The following ABCA5 variants were observed in gnomAD, a reference collection of about 807,000 sequenced individuals.
ABCA5 encodes ATP binding cassette subfamily A member 5, also known as cholesterol transporter ABCA5.
ABCA5 carries 163 observed loss-of-function variants against 206.0 expected under a neutral mutation model. The observed-to-expected ratio is 0.79, with a 90% CI of 0.70 to 0.90. The LOEUF (loss-of-function observed/expected upper bound fraction) is 0.90, where lower values mean the gene tolerates loss of function less well. Among genes scored for constraint, ABCA5 ranks in the 40% least tolerant of loss-of-function variants. The pLI, the probability that ABCA5 is intolerant of heterozygous loss-of-function variation, is 0.00. For synonymous variants in ABCA5, 609 were observed against 613.8 expected, an observed-to-expected ratio of 0.99 and a Z score of 0.11; for missense variants, 1,859 against 1,912.9, an observed-to-expected ratio of 0.97 and a Z score of 0.53.
intron 11 of ABCA5, among the ~76,000 whole-genome samples, chr17:69,293,874 G>GTGTGTGTGTGTT (rs2075556598): frequency 2.8e-5 from 1 of 35,670 alleles, no homozygotes; most frequent in African/African-American, 7.2e-5. Context: ...GTGTGTGTGC[G>GTGTGTGTGTGTT]TGTGTGTGTG....
At position 69,298,316 on chromosome 17, in the gene ABCA5, G is replaced by GAGGAAGGAAGGAAGGA. The variant is rs71144670; in HGVS notation, c.1268-973_1268-958dup. On this transcript the variant is annotated intron_variant, in intron 9 of 38. Transcript: ENST00000392676. ...GGGGAAAGAGAAAGAAAGAGAGAGA[G>GAGGAAGGAAGGAAGGA]AGGAAGGAAGGAAGGAAGGAAGGAA... Among the ~76,000 whole-genome samples the GAGGAAGGAAGGAAGGA allele has an allele frequency of 2.4e-3, 100 of 42,098 alleles. 1 individual carries two copies. The highest frequency in any genetic ancestry group is 6.0e-3 in the African/African-American group (95 of 15,912). The allele number at this position is 42,098 out of a possible 152,430, so 27.6% of individuals were successfully genotyped here.
chr17:69,274,010 C>T lies in ABCA5; in HGVS notation c.2713G>A (p.Gly905Arg), dbSNP rs1249912899. 1 of 1,609,884 alleles carries T rather than the reference C, an allele frequency of 6.2e-7. No individual in the cohort carries two copies. ...LVPDLYFLKP[G>R]DKPHKYKTSL... The stretch of plus-strand genomic sequence containing the variant: ...GTTTTGTATTTATGTGGTTTGTCTC[C>T]AGGTTTTAGAAAATATAAGTCTGGA... The change falls in exon 20 of 39, where the codon GGA becomes AGA. Residue 905 changes from glycine to arginine, a missense_variant. Transcript: ENST00000392676.
chr17:69,326,857 G>T lies in ABCA5; in HGVS notation c.-16+195C>A, dbSNP rs1399512246. Among the ~76,000 whole-genome samples the T allele has an allele frequency of 6.6e-6, 1 of 151,966 alleles. No homozygotes were observed. Among genetic ancestry groups the T allele is most frequent in the Non-Finnish European group, 1.5e-5 (1 of 67,958 alleles). On this transcript the variant is annotated intron_variant, in intron 1 of 38. Coordinates refer to ENST00000392676, the MANE Select transcript of ABCA5 (RefSeq NM_172232.4). This position sits in a 1 kb window ranked among gnomAD's most constrained non-coding sequence, Gnocchi z 4.8. ...GCAACCCGCGCTTCCCGGGAGCTGA[G>T]GGAGGTCTGTTTCCCTCAGCTCGCC...
chr17:69,295,250 C>A (rs569674417), intron 10 of ABCA5, among the ~76,000 whole-genome samples: 237 of 152,274 alleles, frequency 1.6e-3, no homozygotes, highest in African/African-American at 5.5e-3. Flanking sequence ...ATGGTACATA[C>A]AAGCAATTCA....
chr17:69,305,578 C>T (rs978739709), intron 6 of ABCA5, among the ~76,000 whole-genome samples: 1 of 152,158 alleles, frequency 6.6e-6, no homozygotes, highest in Non-Finnish European at 1.5e-5. Flanking sequence ...ATTTTAAAAA[C>T]CAATCCTTTG....
chr17:69,308,336 A>G lies in ABCA5; in HGVS notation c.502T>C (p.Tyr168His). Residue 168 changes from tyrosine (Y) to histidine (H), a missense_variant, in exon 5 of 39, where the codon TAC (tyrosine) becomes CAC (histidine). Physicochemically the swap from Tyr to His is moderately conservative, Grantham distance 83. Transcript: ENST00000392676. ...AAAACTGTGAAACCTGAGGACCAGT[A>G]CTGAGCAGCCTCACATGATTTTGAA... ...GCSKSCEAAQ[Y>H]WSSGFTVLQA... 1 of 1,612,398 alleles carries G rather than the reference A, an allele frequency of 6.2e-7. No homozygotes were observed. The highest frequency in any genetic ancestry group is 1.1e-5 in the South Asian group (1 of 90,960).
chr17:69,263,845 T>A (rs1160069311), intron 24 of ABCA5, among the ~76,000 whole-genome samples: 1 of 151,924 alleles, frequency 6.6e-6, no homozygotes, highest in Non-Finnish European at 1.5e-5. Context: ...TACAGGCGCA[T>A]GCCACCACGT....
intron 36 of ABCA5, 137 bp from the exon 37 acceptor site, chr17:69,250,121 AAAT>A (rs2074995151): frequency 6.6e-6 from 4 of 607,540 alleles, no homozygotes; most frequent in African/African-American, 1.9e-5. Flanking sequence ...AAATTGTTTA[AAAT>A]AATAACATTT....
At chr17:69,293,860 GTGTGTGTGTGTGCGTGTGTGTGTGTT>G (rs1273126295) in intron 11 of ABCA5, among the ~76,000 whole-genome samples, 7 of 107,816 alleles carry the variant, frequency 6.5e-5, no homozygotes, top group Admixed American at 3.9e-4. Flanking sequence ...GTGTGTGTGT[GTGTGTGTGTGTGCGTGTGTGTGTGTT>G]TGTGTGTGTG....
intron 7 of ABCA5, among the ~76,000 whole-genome samples, chr17:69,303,845 CATATATATATGTATAT>C (rs1423730124): frequency 0.02 from 123 of 6,206 alleles, 37 homozygotes; most frequent in Non-Finnish European, 0.045. Flanking sequence ...TATATACATA[CATATATATATGTATAT>C]ATATATATAC....
intron 1 of ABCA5, among the ~76,000 whole-genome samples, chr17:69,315,984 G>A (rs1295539778): frequency 6.6e-6 from 1 of 151,946 alleles, no homozygotes; most frequent in South Asian, 2.1e-4. Context: ...GAATCAAATG[G>A]AAATTTTAGA....
chr17:69,280,145 G>A (rs1275128878), intron 18 of ABCA5, among the ~76,000 whole-genome samples: 2 of 151,868 alleles, frequency 1.3e-5, no homozygotes, highest in African/African-American at 4.8e-5. Flanking sequence ...CTGACAAAGG[G>A]CTAATATCCA....
Position 69,255,701 on chromosome 17 carries a change from A to G in ABCA5, c.3976+32T>C, listed in dbSNP as rs1346247594. 2.5e-6 allele frequency: 4 copies of G among 1,577,880 alleles called. No individual in the cohort carries two copies. In the African/African-American group the frequency reaches 5.5e-5, roughly 22 times the overall value. ...CTAAAAGTAGAAATTACTCTTCTAG[A>G]AAAGTTATGTAAGGAAAAATTAAAT... is the stretch of plus-strand genomic sequence containing the variant. On this transcript the variant is annotated intron_variant, in intron 30 of 38. Coordinates refer to ENST00000392676, the MANE Select transcript of ABCA5 (RefSeq NM_172232.4).
At chr17:69,315,659 T>A (rs9908248) in intron 1 of ABCA5, among the ~76,000 whole-genome samples, 14,683 of 151,956 alleles carry the variant, frequency 0.097, 763 homozygotes, top group Non-Finnish European at 0.11. Context: ...GGCACACACC[T>A]GTAATCCCAG....
Position 69,245,251 on chromosome 17 carries a change from G to C in ABCA5, c.*2286C>G, listed in dbSNP as rs2074937280. 6.6e-6 allele frequency: 1 copy of C among 151,798 alleles called. No individual in the cohort carries two copies. Among genetic ancestry groups the C allele is most frequent in the African/African-American group, 2.4e-5 (1 of 41,390 alleles). The allele number at this position is 151,798 out of a possible 1,614,324, so 9.4% of individuals were successfully genotyped here. A position where few individuals can be genotyped will look rare whatever the true frequency, so the allele number is the denominator to read the frequency against. ...CATCATGTTTTTTCTTGCCTTATTA[G>C]TCAGTAAACACTCACTCAGTAAAGC... On this transcript the variant is annotated 3_prime_UTR_variant, in exon 39 of 39. Coordinates refer to ENST00000392676, the MANE Select transcript of ABCA5 (RefSeq NM_172232.4).
At chr17:69,251,964 T>A in intron 34 of ABCA5, 98 bp from the exon 35 acceptor site, 2 of 1,326,424 alleles carry the variant, frequency 1.5e-6, no homozygotes, top group Non-Finnish European at 2.1e-6. Context: ...TTAAGTTAAT[T>A]AAAACTTACC....
Position 69,326,597 on chromosome 17 carries a change from G to C in ABCA5, c.-16+455C>G, listed in dbSNP as rs931496878. 6.6e-6 allele frequency among the ~76,000 whole-genome samples: 1 copy of C among 152,172 alleles called. No individual in the cohort carries two copies. The highest frequency in any genetic ancestry group is 2.4e-5 in the African/African-American group (1 of 41,448). ...AAGGTAATGATCCGCGCGTAACCTC[G>C]CAGGGAAGAGCAAGCGCTCATTACC... On this transcript the variant is annotated intron_variant, in intron 1 of 38. Transcript: ENST00000392676. This position sits in a 1 kb window ranked among gnomAD's most constrained non-coding sequence, Gnocchi z 4.8.
intron 27 of ABCA5, 138 bp from the exon 28 acceptor site, chr17:69,259,935 T>C (rs2075128018): frequency 2.2e-6 from 1 of 455,742 alleles, no homozygotes; most frequent in Non-Finnish European, 3.9e-6. Flanking sequence ...AACTTTTTTA[T>C]ATTTTACATG....
chr17:69,316,256 G>C (rs1472503629), intron 1 of ABCA5, among the ~76,000 whole-genome samples: 1 of 152,216 alleles, frequency 6.6e-6, no homozygotes, highest in Non-Finnish European at 1.5e-5. Flanking sequence ...ACTTTGGGAG[G>C]CCAAGGCAGA....
Sources: gnomAD v4.1 joint callset for allele counts (sites outside exome capture counted in the v4.1 genomes callset) on GRCh38, gnomAD v4.1.1 for gene constraint, Gnocchi (gnomAD v3.1) non-coding constraint, MANE v1.5 for transcripts, NCBI Gene and HGNC (gene_info 2026-07-23, HGNC 2026-07-21) for gene names.